The following COA1 variants were observed in gnomAD, a reference collection of about 807,000 sequenced individuals.
The protein encoded by COA1 is cytochrome c oxidase assembly factor 1.
COA1 carries 13 observed loss-of-function variants against 16.0 expected under a neutral mutation model. The ratio of observed to expected loss-of-function variants is 0.81; its 90% confidence interval spans 0.53 to 1.29. The LOEUF is 1.29. Among genes scored for constraint, COA1 ranks in the 50% most tolerant of loss-of-function variants. The pLI is 0.00. For missense variants in COA1, 179 were observed against 177.0 expected (o/e 1.01, Z -0.06); for synonymous variants, 65 against 65.7 (o/e 0.99, Z 0.05).
In COA1 at chr7:43,629,754, C is replaced by T. The variant is rs1231125160; in HGVS notation, c.*133+9695G>A. Among the ~76,000 whole-genome samples the T allele has an allele frequency of 3.9e-5, 6 of 152,238 alleles. No individual in the cohort carries two copies. The East Asian group carries it at 9.6e-4, about 24-fold the overall frequency. On this transcript the variant is annotated intron_variant and NMD_transcript_variant, in intron 6 of 6. Transcript: ENST00000415076. The stretch of plus-strand genomic sequence containing the variant: ...CAGATTAGAGATGCAATAATGGAAT[C>T]GCAGAGGGAATATGTGATTTGCCCA...
At chr7:43,658,075 T>TA (rs1431757955) in intron 1 of COA1, among the ~76,000 whole-genome samples, 9 of 147,126 alleles carry the variant, frequency 6.1e-5, no homozygotes, top group Non-Finnish European at 1.2e-4. Context: ...TTTATTTTTT[T>TA]TAAAAAAGTT....
In COA1 at chr7:43,653,520, T is replaced by C. The variant is rs868258674; in HGVS notation, c.-38-4868A>G. Among the ~76,000 whole-genome samples the C allele has an allele frequency of 1.4e-4, 21 of 152,258 alleles. 1 individual carries two copies. The South Asian group carries it at 1.4e-3, about 11-fold the overall frequency. ...GCATTTTAAAAATTAAGTATACAAA[T>C]GTTAGCGCTGACTTTTTAACCACAT... On this transcript the variant is annotated intron_variant, in intron 1 of 5. Transcript: ENST00000223336.
intron 6 of COA1, among the ~76,000 whole-genome samples, chr7:43,627,193 A>C (rs1251447902): frequency 1.3e-5 from 2 of 152,224 alleles, no homozygotes; most frequent in Non-Finnish European, 1.5e-5. Context: ...TATAAGTTTT[A>C]ATCAACTGGG....
intron 1 of COA1, among the ~76,000 whole-genome samples, chr7:43,711,638 C>T (rs886857680): frequency 5.9e-5 from 9 of 152,298 alleles, no homozygotes; most frequent in Admixed American, 4.6e-4. Context: ...AACATCATAG[C>T]GTGTACTTAC....
In COA1 at chr7:43,624,603, G is replaced by C. The variant is rs536016170; in HGVS notation, c.*133+14846C>G. 3 of 1,613,988 alleles carry C rather than the reference G, an allele frequency of 1.9e-6. No individual in the cohort carries two copies. The South Asian group carries it at 3.3e-5, about 18-fold the overall frequency. On this transcript the variant is annotated intron_variant and NMD_transcript_variant, in intron 6 of 6. Transcript: ENST00000415076. ...AGAGCCTTCTTTCAGGATGGAAAAG[G>C]CACTAGAAGAAGCAAATGCCCTCCA...
chr7:43,614,352 G>A (rs1042143127), intron 6 of COA1, among the ~76,000 whole-genome samples: 2 of 152,090 alleles, frequency 1.3e-5, no homozygotes, highest in African/African-American at 4.8e-5. Context: ...TACTACCTGG[G>A]ATTCATATAT....
chr7:43,728,128 C>T (rs924973061), intron 1 of COA1, among the ~76,000 whole-genome samples: 1 of 152,116 alleles, frequency 6.6e-6, no homozygotes, highest in African/African-American at 2.4e-5. Flanking sequence ...GCTCCCGCCA[C>T]CACGCCCGGC....
chr7:43,712,631 A>G (rs1044498135), intron 1 of COA1, among the ~76,000 whole-genome samples: 6 of 152,180 alleles, frequency 3.9e-5, no homozygotes, highest in African/African-American at 1.4e-4. Flanking sequence ...GGCACATTCA[A>G]TCTGCAAACT....
At chr7:43,619,909 GATCTCTTCACT>G (rs1293573025) in intron 6 of COA1, among the ~76,000 whole-genome samples, 3 of 152,300 alleles carry the variant, frequency 2.0e-5, no homozygotes, top group Non-Finnish European at 2.9e-5. Context: ...CCAAATTGGT[GATCTCTTCACT>G]ATCTCTTCAC....
chr7:43,621,093 C>T lies in COA1; in HGVS notation c.*134-11598G>A, dbSNP rs144471014. Among the ~76,000 whole-genome samples, 113 of 151,812 alleles carry T rather than the reference C, an allele frequency of 7.4e-4. 1 individual carries two copies. The East Asian group carries it at 0.02, about 28-fold the overall frequency. ...GGAGCACAGAAAGACTCAGGAGGGCCGATAGGGTTGAAGAAAACAAACCTG... is the reference window on the plus strand; with the variant it reads ...GGAGCACAGAAAGACTCAGGAGGGCTGATAGGGTTGAAGAAAACAAACCTG... On this transcript the variant is annotated intron_variant and NMD_transcript_variant, in intron 6 of 6. Coordinates refer to the COA1 transcript ENST00000415076.
rs1259830227 is a variant in COA1, at chr7:43,686,467, C to T, written c.-38-37815G>A. Among the ~76,000 whole-genome samples the T allele has an allele frequency of 1.1e-4, 17 of 152,016 alleles. 1 individual carries two copies. In the South Asian group the frequency reaches 1.2e-3, roughly 11 times the overall value. ...GACTACAGGCGCCCGCCACTGCGCC[C>T]GGCTAATTTTTTGTATTTTTAGTAG... On this transcript the variant is annotated intron_variant, in intron 1 of 5. Transcript: ENST00000223336.
chr7:43,647,999 A>C (rs906681209), intron 2 of COA1: 5 of 234,368 alleles, frequency 2.1e-5, no homozygotes, highest in Admixed American at 2.1e-4. Flanking sequence ...GCCAACTGGT[A>C]AACAGGAAGC....
intron 6 of COA1, among the ~76,000 whole-genome samples, chr7:43,611,300 T>G (rs1275723813): frequency 1.3e-5 from 2 of 152,258 alleles, no homozygotes; most frequent in Non-Finnish European, 2.9e-5. Flanking sequence ...GGAAGTTTTC[T>G]TGTTCTCTTT....
intron 1 of COA1, among the ~76,000 whole-genome samples, chr7:43,656,561 T>G (rs2091736171): frequency 6.6e-6 from 1 of 152,076 alleles, no homozygotes; most frequent in Non-Finnish European, 1.5e-5. Context: ...CTGGGCATGG[T>G]GGCGCAGCCC....
chr7:43,644,739 TAGATAGATAGATAGATAGATAGGCAGGC>T (rs1298896162), intron 4 of COA1, among the ~76,000 whole-genome samples: 45 of 86,388 alleles, frequency 5.2e-4, no homozygotes, highest in South Asian at 1.1e-3. Flanking sequence ...GATAGATAGA[TAGATAGATAGATAGATAGATAGGCAGGC>T]AGGCAGGCAG....
chr7:43,663,697 CAA>C (rs1373032481), intron 1 of COA1, among the ~76,000 whole-genome samples: 13 of 143,930 alleles, frequency 9.0e-5, no homozygotes, highest in South Asian at 8.8e-4. Context: ...AACACACACA[CAA>C]AAAAAAACCT....
chr7:43,716,260 G>A (rs1409922962), intron 1 of COA1, among the ~76,000 whole-genome samples: 1 of 152,134 alleles, frequency 6.6e-6, no homozygotes, highest in Non-Finnish European at 1.5e-5. Flanking sequence ...CGAAAATGTG[G>A]GAAGGTTTGG....
chr7:43,710,083 C>G (rs1181583), intron 1 of COA1, among the ~76,000 whole-genome samples: 1 of 151,754 alleles, frequency 6.6e-6, no homozygotes, highest in South Asian at 2.1e-4. Context: ...GATGCGGTGG[C>G]GCACACCTGT....
At chr7:43,699,797 G>C (rs893271780) in intron 1 of COA1, among the ~76,000 whole-genome samples, 1 of 152,160 alleles carries the variant, frequency 6.6e-6, no homozygotes, top group African/African-American at 2.4e-5. Flanking sequence ...TATGTTGAAA[G>C]AGAAATTAAG....
Sources: allele counts gnomAD v4.1 joint callset (sites outside exome capture counted in the v4.1 genomes callset), GRCh38; gene constraint gnomAD v4.1.1; transcripts MANE v1.5; gene names NCBI Gene and HGNC (gene_info 2026-07-23, HGNC 2026-07-21).